The following GRID2IP variants were observed in gnomAD, a reference collection of about 807,000 sequenced individuals.
The protein encoded by GRID2IP is delphilin.
In GRID2IP, 78 loss-of-function variants were observed where a neutral mutation model predicts 114.3. The observed-to-expected ratio is 0.68, with a 90% CI of 0.57 to 0.82. The LOEUF (loss-of-function observed/expected upper bound fraction) is 0.82, where lower values mean the gene tolerates loss of function less well. GRID2IP is among the 40% of genes least tolerant of loss of function. The pLI is 0.00. For missense variants in GRID2IP, 1,727 were observed against 1,678.5 expected (o/e 1.03, Z -0.51); for synonymous variants, 809 against 724.0 (o/e 1.12, Z -1.89).
intron 1 of GRID2IP, among the ~76,000 whole-genome samples, chr7:6,540,914 G>T (rs570478522): frequency 2.6e-4 from 40 of 152,060 alleles, no homozygotes; most frequent in African/African-American, 8.4e-4. Flanking sequence ...ATAACTTACT[G>T]CAGCTTCCAC....
rs1786483668 is a variant in GRID2IP at position 6,503,647 on chromosome 7, C to G, written c.2751G>C (p.Leu917=). Reference sequence around the variant, plus strand: ...GCTCCATGCTCATCAGCACCTGGCGCAGCTCCGCGGGGCTCAGCTTCAGGT... The same window carrying G: ...GCTCCATGCTCATCAGCACCTGGCGGAGCTCCGCGGGGCTCAGCTTCAGGT... ...LAHLKLSPAE[L]RQVLMSMEPR... The change falls in exon 16 of 22, where the codon CTG becomes CTC. Residue 917 remains leucine (L), a synonymous_variant. Transcript: ENST00000457091. The G allele has an allele frequency of 6.6e-7, 1 of 1,519,176 alleles. No individual in the cohort carries two copies. The highest frequency in any genetic ancestry group is 8.8e-7 in the Non-Finnish European group (1 of 1,140,194). 94.1% of individuals were successfully genotyped at this position (1,519,176 alleles called of 1,614,324 possible).
rs747073191 is a variant in GRID2IP, at chr7:6,507,184, G to A, written c.2544+801C>T. On this transcript the variant is annotated intron_variant, in intron 13 of 21. Transcript: ENST00000457091. The surrounding 1 kb of genome is among the most constrained non-coding windows in gnomAD (Gnocchi z 5.3). The stretch of plus-strand genomic sequence containing the variant: ...TGATGGTGATCATGAGCACTGGGAC[G>A]GGGCAGCCCTGGGAGCTGGAAGGAG... 1.7e-4 allele frequency among the ~76,000 whole-genome samples: 26 copies of A among 152,302 alleles called. No homozygotes were observed. Among genetic ancestry groups the A allele is most frequent in the South Asian group, 4.1e-4 (2 of 4,824 alleles).
rs376941636 is a variant in GRID2IP at position 6,526,275 on chromosome 7, C to T, written c.868G>A (p.Gly290Ser). 4.5e-5 allele frequency: 70 copies of T among 1,551,866 alleles called. No homozygotes were observed. Among genetic ancestry groups the T allele is most frequent in the Non-Finnish European group, 5.3e-5 (61 of 1,147,062 alleles). ...GGCCCGTGGCCGCGAAGTGTGAAGCCGAAGCTCTTGTTGCCTTTGTAGACT... is the reference window on the plus strand; with the variant it reads ...GGCCCGTGGCCGCGAAGTGTGAAGCTGAAGCTCTTGTTGCCTTTGTAGACT... ...VRVYKGNKSFGFTLRGHGPVW... is the reference protein window; with the variant it reads ...VRVYKGNKSFSFTLRGHGPVW... Residue 290 changes from glycine (G) to serine (S), a missense_variant, in exon 4 of 22, where the codon GGC becomes AGC. Physicochemically the swap from Gly to Ser is moderately conservative, Grantham distance 56 (BLOSUM62 0). Transcript: ENST00000457091. The surrounding 1 kb of genome is among the most constrained non-coding windows in gnomAD (Gnocchi z 7.6).
At chr7:6,500,817 T>A (rs1395774769) in intron 20 of GRID2IP, among the ~76,000 whole-genome samples, 3 of 152,236 alleles carry the variant, frequency 2.0e-5, no homozygotes, top group East Asian at 1.9e-4. Context: ...TGCCCTTCTT[T>A]CCTGTCTTCC....
chr7:6,506,611 C>T lies in GRID2IP; in HGVS notation c.2545-704G>A, dbSNP rs1039125392. 6.6e-6 allele frequency among the ~76,000 whole-genome samples: 1 copy of T among 151,726 alleles called. No individual in the cohort carries two copies. Among genetic ancestry groups the T allele is most frequent in the Non-Finnish European group, 1.5e-5 (1 of 68,000 alleles). The stretch of plus-strand genomic sequence containing the variant: ...GTGGAGCAATACTTGAAGATCGGTC[C>T]AAGGCTGGCAGGAGTGAGGTCTCCA... On this transcript the variant is annotated intron_variant, in intron 13 of 21. Coordinates refer to ENST00000457091, the MANE Select transcript of GRID2IP (RefSeq NM_001145118.2). The surrounding 1 kb of genome is among the most constrained non-coding windows in gnomAD (Gnocchi z 5.2).
At position 6,520,064 on chromosome 7, in the gene GRID2IP, AG is replaced by A. The variant is rs1562518687; in HGVS notation, c.1268+513del. Among the ~76,000 whole-genome samples, 1 of 152,006 alleles carries A rather than the reference AG, an allele frequency of 6.6e-6. No individual in the cohort carries two copies. Among genetic ancestry groups the A allele is most frequent in the Non-Finnish European group, 1.5e-5 (1 of 67,972 alleles). On this transcript the variant is annotated intron_variant, in intron 7 of 21. Coordinates refer to ENST00000457091, the MANE Select transcript of GRID2IP (RefSeq NM_001145118.2). This position sits in a 1 kb window ranked among gnomAD's most constrained non-coding sequence, Gnocchi z 4.6. Reference sequence around the variant, plus strand: ...GCCGAGGCGGGCAGATCACGAGGTCAGGAGTTTGAGACCAGCCTGACCAACA... The same window carrying A: ...GCCGAGGCGGGCAGATCACGAGGTCAGAGTTTGAGACCAGCCTGACCAACA...
rs564137288 is a variant in GRID2IP at position 6,509,079 on chromosome 7, G to T, written c.2006C>A (p.Thr669Asn). The change falls in exon 12 of 22, where the codon ACC becomes AAC. Residue 669 changes from threonine (T) to asparagine (N), a missense_variant. Thr to Asn is a moderately conservative substitution (Grantham distance 65). Coordinates refer to ENST00000457091, the MANE Select transcript of GRID2IP (RefSeq NM_001145118.2). This position sits in a 1 kb window ranked among gnomAD's most constrained non-coding sequence, Gnocchi z 4.9. ...TRPPSRRKLF[T>N]FSHPVRSRDT... ...GCGGCTTCGCACAGGGTGGGAGAAG[G>T]TGAAGAGCTTCCTGCGGCTGGGCGG... 3.1e-5 allele frequency: 45 copies of T among 1,431,572 alleles called. No individual in the cohort carries two copies. The African/African-American group carries it at 6.0e-4, about 19-fold the overall frequency. 88.7% of individuals were successfully genotyped at this position (1,431,572 alleles called of 1,614,324 possible). A position where few individuals can be genotyped will look rare whatever the true frequency, so the allele number is the denominator to read the frequency against.
In GRID2IP at chr7:6,522,660, T is replaced by TA. The variant is rs1171134631; in HGVS notation, c.920-704_920-703insT. On this transcript the variant is annotated intron_variant, in intron 4 of 21. Coordinates refer to ENST00000457091, the MANE Select transcript of GRID2IP (RefSeq NM_001145118.2). ...ACCACCACTCCGGGCTAATTTTTTT[T>TA]TTTGAGATGGAGTCTCGCTCTATCA... Among the ~76,000 whole-genome samples the TA allele has an allele frequency of 1.3e-4, 20 of 151,998 alleles. No individual in the cohort carries two copies. The East Asian group carries it at 3.9e-3, about 29-fold the overall frequency.
In GRID2IP at chr7:6,508,063, G is replaced by A. The variant is rs1786645751; in HGVS notation, c.2466C>T (p.Arg822=). The change falls in exon 13 of 22, where the codon CGC becomes CGT. Residue 822 remains arginine, a synonymous_variant. Coordinates refer to ENST00000457091, the MANE Select transcript of GRID2IP (RefSeq NM_001145118.2). This position sits in a 1 kb window ranked among gnomAD's most constrained non-coding sequence, Gnocchi z 5.6. The part of the protein sequence containing the change: ...PMLSRGLGHR[R]SETSHMSVKR... ...TGACGCTCATGTGGCTGGTCTCACT[G>A]CGCCGGTGGCCCAGGCCCCGGGACA... 4.5e-6 allele frequency: 7 copies of A among 1,548,596 alleles called. No individual in the cohort carries two copies. The highest frequency in any genetic ancestry group is 6.1e-6 in the Non-Finnish European group (7 of 1,146,652).
chr7:6,551,059 C>T lies in GRID2IP; in HGVS notation c.378G>A (p.Pro126=), dbSNP rs1184699862. Residue 126 remains proline, a synonymous_variant, in exon 1 of 22, where the codon CCG becomes CCA. Transcript: ENST00000457091. The part of the protein sequence containing the change: ...ELLRLAGRKR[P]DAVHRERRRK... ...GCCTGCGCTCTCGGTGCACCGCGTCCGGGCGCTTGCGGCCGGCCAGGCGAA... is the reference window on the plus strand; with the variant it reads ...GCCTGCGCTCTCGGTGCACCGCGTCTGGGCGCTTGCGGCCGGCCAGGCGAA... 4.3e-5 allele frequency: 56 copies of T among 1,315,692 alleles called. No individual in the cohort carries two copies. The East Asian group carries it at 1.5e-3, about 35-fold the overall frequency. The allele number at this position is 1,315,692 out of a possible 1,614,324, so 81.5% of individuals were successfully genotyped here. A position where few individuals can be genotyped will look rare whatever the true frequency, so the allele number is the denominator to read the frequency against.
In GRID2IP at chr7:6,509,829, C is replaced by T. The variant is rs1440830681; in HGVS notation, c.1771+454G>A. ...TTCCTCAGAATCAGGCATCTGCCTTCTTTCTTTTTCTTTTTTAAGACAGGG... is the reference window on the plus strand; with the variant it reads ...TTCCTCAGAATCAGGCATCTGCCTTTTTTCTTTTTCTTTTTTAAGACAGGG... On this transcript the variant is annotated intron_variant, in intron 11 of 21. Coordinates refer to ENST00000457091, the MANE Select transcript of GRID2IP (RefSeq NM_001145118.2). The surrounding 1 kb of genome is among the most constrained non-coding windows in gnomAD (Gnocchi z 4.9). 6.6e-6 allele frequency among the ~76,000 whole-genome samples: 1 copy of T among 152,134 alleles called. No homozygotes were observed. The highest frequency in any genetic ancestry group is 1.5e-5 in the Non-Finnish European group (1 of 68,016).
chr7:6,550,502 C>G (rs1475298750), intron 1 of GRID2IP, among the ~76,000 whole-genome samples: 1 of 151,794 alleles, frequency 6.6e-6, no homozygotes, highest in Non-Finnish European at 1.5e-5. Flanking sequence ...AAAAAAGAAA[C>G]ACAAGTGAAT....
At chr7:6,498,272 C>T in intron 20 of GRID2IP, 44 bp from the exon 21 acceptor site, 1 of 1,501,196 alleles carries the variant, frequency 6.7e-7, no homozygotes, top group Non-Finnish European at 8.9e-7. Flanking sequence ...GCTTGTGCCC[C>T]CAGGGTCTCA....
rs1933676314 is a variant in GRID2IP, at chr7:6,496,955, T to TCATCTGCCC, written c.*810_*818dup. 6.6e-6 allele frequency among the ~76,000 whole-genome samples: 1 copy of TCATCTGCCC among 152,080 alleles called. No homozygotes were observed. Among genetic ancestry groups the TCATCTGCCC allele is most frequent in the Non-Finnish European group, 1.5e-5 (1 of 68,006 alleles). On this transcript the variant is annotated 3_prime_UTR_variant, in exon 22 of 22. Transcript: ENST00000457091. ...GGTCCCAAACACATCCCAGATTGTGTCATCTGCCCCCACACCTGCCCCGGT... is the reference window on the plus strand; with the variant it reads ...GGTCCCAAACACATCCCAGATTGTGTCATCTGCCCCATCTGCCCCCACACCTGCCCCGGT...
In GRID2IP at chr7:6,508,181, G is replaced by A. The variant is rs867834456; in HGVS notation, c.2348C>T (p.Ala783Val). 125 of 1,510,708 alleles carry A rather than the reference G, an allele frequency of 8.3e-5. No individual in the cohort carries two copies. The highest frequency in any genetic ancestry group is 1.7e-4 in the African/African-American group (12 of 72,180). 93.6% of individuals were successfully genotyped at this position (1,510,708 alleles called of 1,614,324 possible). ...GAGTTGGGTGAGGGGCTTGGCCAGCGCCTGAGCAGGGCCCCGGGAACCATC... is the reference window on the plus strand; with the variant it reads ...GAGTTGGGTGAGGGGCTTGGCCAGCACCTGAGCAGGGCCCCGGGAACCATC... ...SSDGSRGPAQ[A>V]LAKPLTQLSH... The change falls in exon 13 of 22, where the codon GCG (alanine) becomes GTG (valine). Residue 783 changes from alanine (A) to valine (V), a missense_variant. Physicochemically the swap from Ala to Val is moderately conservative, Grantham distance 64. Coordinates refer to ENST00000457091, the MANE Select transcript of GRID2IP (RefSeq NM_001145118.2). This position sits in a 1 kb window ranked among gnomAD's most constrained non-coding sequence, Gnocchi z 5.6.
chr7:6,539,469 C>T (rs959784110), intron 2 of GRID2IP, among the ~76,000 whole-genome samples: 3 of 152,112 alleles, frequency 2.0e-5, no homozygotes, highest in African/African-American at 7.2e-5. Context: ...TTTCTGAGGT[C>T]TGTCCTGGCC....
chr7:6,543,252 G>A (rs1779840136), intron 1 of GRID2IP, among the ~76,000 whole-genome samples: 1 of 152,102 alleles, frequency 6.6e-6, no homozygotes, highest in Non-Finnish European at 1.5e-5. Flanking sequence ...AAAATTAGCT[G>A]AGCATCTGAT....
rs1406967525 is a variant in GRID2IP, at chr7:6,521,563, G to A, written c.990-40C>T. ...TGGCCCAGGAGGGCCTGACTGGGGTGAGCCCTGTCCACGGCCACCAGCCAG... is the reference window on the plus strand; with the variant it reads ...TGGCCCAGGAGGGCCTGACTGGGGTAAGCCCTGTCCACGGCCACCAGCCAG... On this transcript the variant is annotated intron_variant, in intron 5 of 21. Coordinates refer to ENST00000457091, the MANE Select transcript of GRID2IP (RefSeq NM_001145118.2). This position sits in a 1 kb window ranked among gnomAD's most constrained non-coding sequence, Gnocchi z 4.1. 4.1e-6 allele frequency: 6 copies of A among 1,447,638 alleles called. No individual in the cohort carries two copies. Among genetic ancestry groups the A allele is most frequent in the South Asian group, 1.3e-5 (1 of 76,476 alleles). The allele number at this position is 1,447,638 out of a possible 1,614,324, so 89.7% of individuals were successfully genotyped here. A position where few individuals can be genotyped will look rare whatever the true frequency, so the allele number is the denominator to read the frequency against.
intron 4 of GRID2IP, 54 bp from the exon 5 acceptor site, chr7:6,522,011 G>A: frequency 1.5e-6 from 2 of 1,368,114 alleles, no homozygotes; most frequent in Non-Finnish European, 2.0e-6. Context: ...ACCACTTTGA[G>A]AGCAGGATGC....
Sources: allele counts gnomAD v4.1 joint callset (sites outside exome capture counted in the v4.1 genomes callset), GRCh38; gene constraint gnomAD v4.1.1; non-coding constraint Gnocchi (gnomAD v3.1); transcripts MANE v1.5; gene names NCBI Gene and HGNC (gene_info 2026-07-23, HGNC 2026-07-21).